Variants in EPB41L2 observed in about 807,000 individuals in gnomAD.
The protein encoded by EPB41L2 is band 4.1-like protein 2.
In EPB41L2, 43 loss-of-function variants were observed where a neutral mutation model predicts 113.0. That is an observed-to-expected ratio of 0.38 (90% CI 0.30 to 0.49). The LOEUF (loss-of-function observed/expected upper bound fraction) is 0.49, where lower values mean the gene tolerates loss of function less well. Among genes scored for constraint, EPB41L2 ranks in the 20% least tolerant of loss-of-function variants. The pLI, the probability that EPB41L2 is intolerant of heterozygous loss-of-function variation, is 0.95. For synonymous variants in EPB41L2, 442 were observed against 436.7 expected (o/e 1.01, Z -0.15); for missense variants, 1,147 against 1,223.4 (o/e 0.94, Z 0.93).
chr6:131,028,229 C>T (rs567723305), intron 1 of EPB41L2, among the ~76,000 whole-genome samples: 2 of 152,296 alleles, frequency 1.3e-5, no homozygotes, highest in African/African-American at 2.4e-5. Context: ...TATTAGGCCA[C>T]TTAGAAGAGT....
At chr6:131,019,698 T>C (rs1562744721) in intron 1 of EPB41L2, among the ~76,000 whole-genome samples, 1 of 152,284 alleles carries the variant, frequency 6.6e-6, no homozygotes, top group Middle Eastern at 3.4e-3. Flanking sequence ...AAGTGTGAAA[T>C]TGTATATTAT....
At chr6:130,862,921 AT>A (rs1235234224) in intron 18 of EPB41L2, among the ~76,000 whole-genome samples, 1 of 152,172 alleles carries the variant, frequency 6.6e-6, no homozygotes, top group Non-Finnish European at 1.5e-5. Context: ...TCAAGTTGTT[AT>A]AAAAGGAAAA....
chr6:130,992,410 T>A (rs1782089869), intron 1 of EPB41L2, among the ~76,000 whole-genome samples: 1 of 152,128 alleles, frequency 6.6e-6, no homozygotes, highest in Middle Eastern at 3.2e-3. Context: ...CCCCATACCC[T>A]AATAACTTAG....
chr6:130,989,470 G>GAAA (rs35475611), intron 1 of EPB41L2, among the ~76,000 whole-genome samples: 1 of 150,132 alleles, frequency 6.7e-6, no homozygotes, highest in Non-Finnish European at 1.5e-5. Flanking sequence ...GGGCTGAGTA[G>GAAA]AAAAAAAAAA....
intron 1 of EPB41L2, among the ~76,000 whole-genome samples, chr6:131,047,528 A>G (rs1340927017): frequency 6.6e-6 from 1 of 152,232 alleles, no homozygotes; most frequent in African/African-American, 2.4e-5. Context: ...ACTATCTCCA[A>G]CATAAAAATC....
At chr6:131,042,459 G>C (rs562969329) in intron 1 of EPB41L2, among the ~76,000 whole-genome samples, 5 of 152,274 alleles carry the variant, frequency 3.3e-5, no homozygotes, top group African/African-American at 1.2e-4. Flanking sequence ...GAAAAACAAG[G>C]TGGTGAGGAA....
intron 5 of EPB41L2, 136 bp downstream of exon 5, chr6:130,908,683 CAA>C (rs1165061875): frequency 1.7e-6 from 1 of 583,926 alleles, no homozygotes; most frequent in Non-Finnish European, 2.8e-6. Flanking sequence ...CACAATTCCA[CAA>C]AAATATTATT....
intron 4 of EPB41L2, among the ~76,000 whole-genome samples, chr6:130,911,527 A>T (rs1010046359): frequency 2.6e-5 from 4 of 151,538 alleles, no homozygotes; most frequent in African/African-American, 9.7e-5. Context: ...CAATAATAAT[A>T]AAAAAAAAGA....
chr6:131,056,511 T>A (rs188725348), intron 1 of EPB41L2, among the ~76,000 whole-genome samples: 1 of 152,326 alleles, frequency 6.6e-6, no homozygotes, highest in African/African-American at 2.4e-5. Context: ...TGGTTTTAAC[T>A]TGTGATCACC....
intron 4 of EPB41L2, among the ~76,000 whole-genome samples, chr6:130,913,686 G>T (rs955417701): frequency 6.6e-6 from 1 of 151,758 alleles, no homozygotes; most frequent in Non-Finnish European, 1.5e-5. Flanking sequence ...GATGGTAAGT[G>T]GGGTATAGCA....
At position 130,966,313 on chromosome 6, in the gene EPB41L2, T is replaced by C. The variant is rs541465307; in HGVS notation, c.-14-9814A>G. Among the ~76,000 whole-genome samples the C allele has an allele frequency of 2.6e-5, 4 of 152,324 alleles. No individual in the cohort carries two copies. The South Asian group carries it at 6.2e-4, about 24-fold the overall frequency. On this transcript the variant is annotated intron_variant, in intron 1 of 19. Transcript: ENST00000337057. ...ACTATGCAACTGTAAAGAGAAAAGA[T>C]GAGAAAGGCTGCCGCCCCACTTGGG...
chr6:130,907,350 G>A (rs1478850564), intron 5 of EPB41L2, among the ~76,000 whole-genome samples: 2 of 152,212 alleles, frequency 1.3e-5, no homozygotes, highest in East Asian at 3.8e-4. Flanking sequence ...TGTATCTGGT[G>A]TCTACTTATT....
rs146557056 is a variant in EPB41L2 at position 130,942,638 on chromosome 6, A to G, written c.705+12467T>C. On this transcript the variant is annotated intron_variant, in intron 3 of 19. Coordinates refer to ENST00000337057, the MANE Select transcript of EPB41L2 (RefSeq NM_001431.4). ...AAATTATACTTTTAAGTTCTGGGAT[A>G]TGTGTGCAGAACGTGCAGGTTTGTT... Among the ~76,000 whole-genome samples, 247 of 152,294 alleles carry G rather than the reference A, an allele frequency of 1.6e-3. 1 individual carries two copies. Among genetic ancestry groups the G allele is most frequent in the African/African-American group, 5.6e-3 (231 of 41,554 alleles).
chr6:130,981,915 A>T (rs1454661240), intron 1 of EPB41L2, among the ~76,000 whole-genome samples: 1 of 152,174 alleles, frequency 6.6e-6, no homozygotes, highest in Non-Finnish European at 1.5e-5. Flanking sequence ...ATACATTTTT[A>T]AAATTACTAT....
At chr6:131,049,454 G>T (rs1219534392) in intron 1 of EPB41L2, among the ~76,000 whole-genome samples, 1 of 152,182 alleles carries the variant, frequency 6.6e-6, no homozygotes, top group Non-Finnish European at 1.5e-5. Context: ...CTCTTTAAGA[G>T]AAGTGGATTA....
chr6:130,887,439 C>A (rs576842262), intron 11 of EPB41L2, among the ~76,000 whole-genome samples: 53 of 152,230 alleles, frequency 3.5e-4, no homozygotes, highest in Non-Finnish European at 7.4e-4. Flanking sequence ...TGTGCTCTTG[C>A]GGGCACATAA....
intron 1 of EPB41L2, among the ~76,000 whole-genome samples, chr6:131,052,230 C>T (rs1438956346): frequency 6.6e-6 from 1 of 152,162 alleles, no homozygotes; most frequent in Admixed American, 6.5e-5. Context: ...AGCCACTGCA[C>T]CCAGCCACTG....
chr6:130,867,396 T>A, intron 16 of EPB41L2, 63 bp downstream of exon 16: 1 of 1,561,912 alleles, frequency 6.4e-7, no homozygotes, highest in Non-Finnish European at 8.7e-7. Flanking sequence ...GAAGAAAGAA[T>A]GAAAACATAG....
chr6:130,885,590 CAG>C (rs1222950414), intron 11 of EPB41L2, among the ~76,000 whole-genome samples: 1 of 152,122 alleles, frequency 6.6e-6, no homozygotes, highest in Non-Finnish European at 1.5e-5. Flanking sequence ...TTAAGGCAAA[CAG>C]AATTACAAGG....
Sources: allele counts gnomAD v4.1 joint callset (sites outside exome capture counted in the v4.1 genomes callset), GRCh38; gene constraint gnomAD v4.1.1; transcripts MANE v1.5; gene names NCBI Gene and HGNC (gene_info 2026-07-23, HGNC 2026-07-21).